The following CSMD1 variants were observed in gnomAD, a reference collection of about 807,000 sequenced individuals.
CSMD1 encodes CUB and sushi domain-containing protein 1.
CSMD1 carries 213 observed loss-of-function variants against 417.5 expected under a neutral mutation model. The ratio of observed to expected loss-of-function variants is 0.51; its 90% confidence interval spans 0.46 to 0.57. The LOEUF is 0.57. Among genes scored for constraint, CSMD1 ranks in the 20% least tolerant of loss-of-function variants. The pLI is 0.00. For synonymous variants in CSMD1, 2,862 were observed against 1,736.8 expected (o/e 1.65, Z -16.11); for missense variants, 6,923 against 4,529.7 (o/e 1.53, Z -15.17).
chr8:3,294,100 C>G (rs1437074237), intron 25 of CSMD1, among the ~76,000 whole-genome samples: 1 of 152,196 alleles, frequency 6.6e-6, no homozygotes, highest in Non-Finnish European at 1.5e-5. Context: ...ACTCCGGACC[C>G]TGTTTGCCTG....
chr8:3,938,684 G>T (rs996974540), intron 5 of CSMD1, among the ~76,000 whole-genome samples: 38 of 152,142 alleles, frequency 2.5e-4, no homozygotes, highest in African/African-American at 7.5e-4. Flanking sequence ...ACTTTGAATG[G>T]CAGGAGTTGA....
intron 1 of CSMD1, among the ~76,000 whole-genome samples, chr8:4,885,705 TAAAG>T (rs970115990): frequency 2.0e-5 from 3 of 151,434 alleles, no homozygotes; most frequent in Non-Finnish European, 2.9e-5. Context: ...AGAGATATAA[TAAAG>T]ATATACTTAT....
At chr8:3,003,664 G>C (rs940003045) in intron 52 of CSMD1, among the ~76,000 whole-genome samples, 1 of 152,180 alleles carries the variant, frequency 6.6e-6, no homozygotes, top group Non-Finnish European at 1.5e-5. Context: ...AATCGCAGAG[G>C]GTAAACGCAG....
intron 6 of CSMD1, among the ~76,000 whole-genome samples, chr8:3,715,287 T>C (rs2623571): frequency 0.84 from 128,001 of 151,748 alleles, 54,266 homozygotes; most frequent in East Asian, 0.93. Flanking sequence ...GTGTGATTTG[T>C]GCTGATACAC....
intron 1 of CSMD1, among the ~76,000 whole-genome samples, chr8:4,905,950 CCATT>C (rs1489384771): frequency 6.6e-6 from 1 of 152,152 alleles, no homozygotes; most frequent in Non-Finnish European, 1.5e-5. Flanking sequence ...TCCCAAACCC[CCATT>C]CATTCTTCCT....
chr8:3,288,745 A>G lies in CSMD1; in HGVS notation c.3951-4399T>C, dbSNP rs903087964. 1.0e-4 allele frequency among the ~76,000 whole-genome samples: 15 copies of G among 146,650 alleles called. 3 individuals are homozygous for G. Among genetic ancestry groups the G allele is most frequent in the African/African-American group, 3.8e-4 (14 of 36,750 alleles). ...ATCAATTTTGTTGATCTTTTCAAAA[A>G]ACCAGCTCCTGGATTCATTGATTTT... On this transcript the variant is annotated intron_variant, in intron 25 of 69. Coordinates refer to ENST00000635120, the MANE Select transcript of CSMD1 (RefSeq NM_033225.6).
At chr8:4,082,704 G>A (rs542595469) in intron 3 of CSMD1, among the ~76,000 whole-genome samples, 1 of 151,486 alleles carries the variant, frequency 6.6e-6, no homozygotes, top group South Asian at 2.1e-4. Flanking sequence ...ATGCTGGTGT[G>A]CTGCACCCAT....
intron 3 of CSMD1, among the ~76,000 whole-genome samples, chr8:4,313,619 G>A (rs1266049342): frequency 6.6e-6 from 1 of 151,904 alleles, no homozygotes; most frequent in Non-Finnish European, 1.5e-5. Flanking sequence ...TTTTAAACAT[G>A]CAGATGCCAT....
chr8:4,151,372 G>T (rs949602950), intron 3 of CSMD1, among the ~76,000 whole-genome samples: 2 of 152,092 alleles, frequency 1.3e-5, no homozygotes, highest in African/African-American at 4.8e-5. Context: ...CTACAATTCA[G>T]TTTCTAGATC....
chr8:3,460,178 G>A lies in CSMD1; in HGVS notation c.1561+8534C>T, dbSNP rs141418897. The stretch of plus-strand genomic sequence containing the variant: ...CAAATCACATAATCTAGGATGTGAG[G>A]CTTATTGGGGAAAGTAAACTCTGAG... On this transcript the variant is annotated intron_variant, in intron 12 of 69. Coordinates refer to ENST00000635120, the MANE Select transcript of CSMD1 (RefSeq NM_033225.6). Among the ~76,000 whole-genome samples the A allele has an allele frequency of 8.6e-3, 1,316 of 152,304 alleles. 5 individuals carry two copies. The highest frequency in any genetic ancestry group is 0.014 in the Middle Eastern group (4 of 294).
At chr8:4,461,504 G>C (rs1389271597) in intron 2 of CSMD1, among the ~76,000 whole-genome samples, 2 of 133,114 alleles carry the variant, frequency 1.5e-5, no homozygotes, top group African/African-American at 5.5e-5. Flanking sequence ...CTCCAGCAAG[G>C]TTACAGAGTA....
At position 3,546,842 on chromosome 8, in the gene CSMD1, T is replaced by C. The variant is rs1019075769; in HGVS notation, c.1344+28103A>G. 5.9e-5 allele frequency among the ~76,000 whole-genome samples: 9 copies of C among 152,018 alleles called. No individual in the cohort carries two copies. The East Asian group carries it at 9.7e-4, about 16-fold the overall frequency. The stretch of plus-strand genomic sequence containing the variant: ...ACTTCCAGTGATGTTATTACTGAAA[T>C]GAAAGGGAAGGTGAAATATTGGAAA... On this transcript the variant is annotated intron_variant, in intron 10 of 69. Transcript: ENST00000635120.
intron 3 of CSMD1, among the ~76,000 whole-genome samples, chr8:4,157,996 T>A (rs1241338003): frequency 6.6e-6 from 1 of 152,130 alleles, no homozygotes; most frequent in African/African-American, 2.4e-5. Context: ...CTAGGACCCT[T>A]TCCTGCTCAA....
intron 2 of CSMD1, among the ~76,000 whole-genome samples, chr8:4,438,407 G>T (rs1050140694): frequency 1.3e-5 from 2 of 152,118 alleles, no homozygotes; most frequent in Non-Finnish European, 2.9e-5. Flanking sequence ...GTTGAAGTTG[G>T]TGGATACTTA....
intron 3 of CSMD1, among the ~76,000 whole-genome samples, chr8:4,132,714 G>A (rs1488065619): frequency 1.3e-5 from 2 of 152,076 alleles, no homozygotes; most frequent in South Asian, 2.1e-4. Context: ...ACGCACTTCC[G>A]CTGTCATGTG....
intron 3 of CSMD1, among the ~76,000 whole-genome samples, chr8:4,310,666 G>C (rs182672689): frequency 2.6e-5 from 4 of 152,220 alleles, no homozygotes; most frequent in East Asian, 3.9e-4. Flanking sequence ...ATAAAATTTA[G>C]GGGTGGCAAA....
At chr8:3,188,207 C>T (rs1199610923) in intron 35 of CSMD1, among the ~76,000 whole-genome samples, 5 of 121,998 alleles carry the variant, frequency 4.1e-5, no homozygotes, top group African/African-American at 1.5e-4. Context: ...TCATGAAAAT[C>T]ATCTACATGT....
intron 7 of CSMD1, among the ~76,000 whole-genome samples, chr8:3,635,501 T>G (rs1328179378): frequency 2.1e-5 from 3 of 142,494 alleles, no homozygotes; most frequent in Non-Finnish European, 4.5e-5. Flanking sequence ...TTTTTTTTTT[T>G]GAGACAGAAA....
At chr8:4,767,254 G>T (rs1812527605) in intron 1 of CSMD1, among the ~76,000 whole-genome samples, 1 of 152,166 alleles carries the variant, frequency 6.6e-6, no homozygotes, top group South Asian at 2.1e-4. Context: ...AAGGTGAAAA[G>T]AAACAAAACT....
Sources: allele counts gnomAD v4.1 joint callset (sites outside exome capture counted in the v4.1 genomes callset), GRCh38; gene constraint gnomAD v4.1.1; transcripts MANE v1.5; gene names NCBI Gene and HGNC (gene_info 2026-07-23, HGNC 2026-07-21).